Variants in PLEKHG7 observed in about 807,000 individuals in gnomAD.
PLEKHG7 encodes the protein pleckstrin homology and RhoGEF domain containing G7, also known as pleckstrin homology domain-containing family G member 7.
In PLEKHG7, 77 loss-of-function variants were observed where a neutral mutation model predicts 85.2. The observed-to-expected ratio is 0.90, with a 90% confidence interval of 0.75 to 1.09. The LOEUF is 1.09. PLEKHG7 is among the 50% of genes least tolerant of loss of function. The pLI is 0.00. For missense variants in PLEKHG7, 777 were observed against 804.3 expected (o/e 0.97, Z 0.41); for synonymous variants, 301 against 302.4 (o/e 1.00, Z 0.05).
intron 1 of PLEKHG7, among the ~76,000 whole-genome samples, chr12:92,705,546 T>C (rs1043947880): frequency 3.3e-5 from 5 of 152,246 alleles, no homozygotes; most frequent in Non-Finnish European, 7.3e-5. Flanking sequence ...GATCTTGGAA[T>C]ATACGGTCAA....
At chr12:92,756,943 G>T (rs954605699) in intron 13 of PLEKHG7, among the ~76,000 whole-genome samples, 7 of 152,214 alleles carry the variant, frequency 4.6e-5, no homozygotes, top group African/African-American at 1.2e-4. Context: ...GAGAGGCTTC[G>T]TGCAGTCCAT....
At chr12:92,725,894 C>A (rs994041848) in intron 3 of PLEKHG7, among the ~76,000 whole-genome samples, 2 of 152,122 alleles carry the variant, frequency 1.3e-5, no homozygotes, top group African/African-American at 2.4e-5. Context: ...TGGTGAGTAT[C>A]CAGGGAGCAG....
At chr12:92,765,355 C>T (rs573190285) in intron 15 of PLEKHG7, among the ~76,000 whole-genome samples, 5 of 147,046 alleles carry the variant, frequency 3.4e-5, no homozygotes, top group South Asian at 2.1e-4. Context: ...ATAGGCTGGG[C>T]GTGGTGGCTC....
chr12:92,717,272 G>T (rs1439052734), intron 3 of PLEKHG7, among the ~76,000 whole-genome samples: 1 of 152,208 alleles, frequency 6.6e-6, no homozygotes, highest in Non-Finnish European at 1.5e-5. Flanking sequence ...CAACTGATGA[G>T]ATATTTGAAA....
At chr12:92,747,291 C>T (rs1380125569) in intron 10 of PLEKHG7, among the ~76,000 whole-genome samples, 2 of 149,952 alleles carry the variant, frequency 1.3e-5, no homozygotes, top group Admixed American at 6.7e-5. Context: ...CACTAATCGT[C>T]AAGGAAATGC....
At chr12:92,738,306 C>T (rs1872241041) in intron 7 of PLEKHG7, among the ~76,000 whole-genome samples, 1 of 151,604 alleles carries the variant, frequency 6.6e-6, no homozygotes, top group Non-Finnish European at 1.5e-5. Context: ...CCCAGGACCA[C>T]AGGGGAGGAT....
rs781009656 is a variant in PLEKHG7 at position 92,706,840 on chromosome 12, C to T, written c.209C>T (p.Thr70Ile). The T allele has an allele frequency of 3.7e-6, 6 of 1,613,932 alleles. No individual in the cohort carries two copies. The highest frequency in any genetic ancestry group is 3.3e-5 in the South Asian group (3 of 91,084). The change falls in exon 2 of 17, where the codon ACC becomes ATC. Residue 70 changes from threonine (T) to isoleucine (I), a missense_variant. This residue lies in a region of PLEKHG7 where 252 missense variants were observed against 241.9 expected (regional missense o/e 1.04). Transcript: ENST00000344636. ...AGGCAGGATGCCTGGCAGGTGACCA[C>T]CTGGGGAAGCTGGGGAGCTCCTGTG... ...GTRQDAWQVT[T>I]WGSWGAPVGF...
intron 10 of PLEKHG7, among the ~76,000 whole-genome samples, chr12:92,752,034 A>T (rs1331271180): frequency 6.6e-6 from 1 of 151,884 alleles, no homozygotes; most frequent in Non-Finnish European, 1.5e-5. Context: ...CCTTAAAAAA[A>T]AAAAACAGCT....
At chr12:92,703,868 C>A (rs987276498) in intron 1 of PLEKHG7, among the ~76,000 whole-genome samples, 3 of 152,020 alleles carry the variant, frequency 2.0e-5, no homozygotes, top group Non-Finnish European at 2.9e-5. Flanking sequence ...TGTGTCTGAA[C>A]GACTACAAAG....
chr12:92,768,972 T>C lies in PLEKHG7; in HGVS notation c.1871-11T>C. 2 of 1,539,598 alleles carry C rather than the reference T, an allele frequency of 1.3e-6. No homozygotes were observed. The highest frequency in any genetic ancestry group is 1.8e-6 in the Non-Finnish European group (2 of 1,124,858). ...GATTTGGCTTTTTGTCTTTGTAATATCTTTTTCTAGTCTTTGGGCTGAGAA... is the reference window on the plus strand; with the variant it reads ...GATTTGGCTTTTTGTCTTTGTAATACCTTTTTCTAGTCTTTGGGCTGAGAA... On this transcript the variant is annotated splice_polypyrimidine_tract_variant and intron_variant, in intron 15 of 16. Transcript: ENST00000344636.
chr12:92,755,290 T>G (rs1290572661), intron 11 of PLEKHG7, among the ~76,000 whole-genome samples: 1 of 152,220 alleles, frequency 6.6e-6, no homozygotes, highest in Non-Finnish European at 1.5e-5. Context: ...TCAGGTCTCT[T>G]ACTTGCCCTC....
chr12:92,756,152 T>C, intron 12 of PLEKHG7, 146 bp from the exon 13 acceptor site: 1 of 719,202 alleles, frequency 1.4e-6, no homozygotes, highest in Non-Finnish European at 2.3e-6. Flanking sequence ...GAGAGGGTTT[T>C]TCATTGTTTC....
intron 9 of PLEKHG7, among the ~76,000 whole-genome samples, chr12:92,744,741 C>T (rs1872476003): frequency 6.6e-6 from 1 of 151,686 alleles, no homozygotes; most frequent in Admixed American, 6.6e-5. Context: ...TCTCAGCTCA[C>T]TGCAACTTCC....
chr12:92,731,120 C>T (rs1871981035), intron 4 of PLEKHG7, among the ~76,000 whole-genome samples: 1 of 152,180 alleles, frequency 6.6e-6, no homozygotes, highest in Non-Finnish European at 1.5e-5. Flanking sequence ...TTTCCCAAGG[C>T]TCCAAAGCTA....
chr12:92,715,716 CAAAA>C (rs11331072), intron 3 of PLEKHG7, among the ~76,000 whole-genome samples: 1 of 87,456 alleles, frequency 1.1e-5, no homozygotes. Flanking sequence ...GTTCTTGCCT[CAAAA>C]AAAAAAAAAA....
rs373721541 is a variant in PLEKHG7, at chr12:92,742,801, G to A, written c.1137+1209G>A. ...GGGTTTCACCATGTTGGTCAGGCTG[G>A]TCTCGAATTCCCTCCCAAAGTGCTG... On this transcript the variant is annotated intron_variant, in intron 9 of 16. Transcript: ENST00000344636. Among the ~76,000 whole-genome samples the A allele has an allele frequency of 2.6e-5, 4 of 151,982 alleles. No homozygotes were observed. In the East Asian group the frequency reaches 7.7e-4, roughly 29 times the overall value.
chr12:92,728,515 T>TATAAATATATATACAC (rs1871889560), intron 3 of PLEKHG7, among the ~76,000 whole-genome samples: 9 of 122,326 alleles, frequency 7.4e-5, no homozygotes, highest in East Asian at 3.2e-4. Flanking sequence ...TATATGTATA[T>TATAAATATATATACAC]ACCACATCCC....
In PLEKHG7 at chr12:92,737,603, A is replaced by G. The variant is rs1872197479; in HGVS notation, c.939+82A>G. 5 of 1,354,708 alleles carry G rather than the reference A, an allele frequency of 3.7e-6. No homozygotes were observed. In the South Asian group the frequency reaches 6.5e-5, roughly 17 times the overall value. The allele number at this position is 1,354,708 out of a possible 1,614,324, so 83.9% of individuals were successfully genotyped here. A position where few individuals can be genotyped will look rare whatever the true frequency, so the allele number is the denominator to read the frequency against. ...CACTTGTTTTCCTCTTCTGAAAGAA[A>G]TAAAGAAAAGAAAGAGAGAAAAGAA... On this transcript the variant is annotated intron_variant, in intron 7 of 16. Coordinates refer to ENST00000344636, the MANE Select transcript of PLEKHG7 (RefSeq NM_001377329.1).
intron 15 of PLEKHG7, among the ~76,000 whole-genome samples, chr12:92,765,530 T>C (rs1873168829): frequency 6.6e-6 from 1 of 150,760 alleles, no homozygotes; most frequent in Non-Finnish European, 1.5e-5. Flanking sequence ...TCTGGAGGCT[T>C]AGGCAAGAGA....
Sources: gnomAD v4.1 joint callset for allele counts (sites outside exome capture counted in the v4.1 genomes callset) on GRCh38, gnomAD v4.1.1 for gene constraint, gnomAD v4.1.1 regional missense constraint, MANE v1.5 for transcripts, NCBI Gene and HGNC (gene_info 2026-07-23, HGNC 2026-07-21) for gene names.